UEVLD: variants seen among roughly 807,000 people sequenced by gnomAD.
UEVLD encodes UEV and lactate/malate dehyrogenase domains.
Under a neutral mutation model 58.6 loss-of-function variants are expected in UEVLD, and 47 were observed. The ratio of observed to expected loss-of-function variants is 0.80; its 90% CI spans 0.63 to 1.02. The LOEUF (loss-of-function observed/expected upper bound fraction) is 1.02, where lower values mean the gene tolerates loss of function less well. Among genes scored for constraint, UEVLD ranks in the 50% least tolerant of loss-of-function variants. UEVLD has a pLI of 0.00. For synonymous variants in UEVLD, 197 were observed against 195.3 expected, an observed-to-expected ratio of 1.01 and a Z score of -0.07; for missense variants, 510 against 550.6, an observed-to-expected ratio of 0.93 and a Z score of 0.74.
intron 7 of UEVLD, among the ~76,000 whole-genome samples, chr11:18,549,935 C>A (rs922955012): frequency 6.6e-6 from 1 of 151,914 alleles, no homozygotes; most frequent in Non-Finnish European, 1.5e-5. Context: ...GATTCTCCTG[C>A]GTCTGCCTCC....
At chr11:18,551,404 C>CTAGTACACTTTATTTAT (rs1565118520) in intron 7 of UEVLD, among the ~76,000 whole-genome samples, 2 of 118,120 alleles carry the variant, frequency 1.7e-5, no homozygotes, top group East Asian at 3.2e-4. Flanking sequence ...ACCTGGGCAA[C>CTAGTACACTTTATTTAT]CGAGTAAGAC....
chr11:18,551,181 C>G (rs1211418196), intron 7 of UEVLD, among the ~76,000 whole-genome samples: 1 of 152,134 alleles, frequency 6.6e-6, no homozygotes, highest in Non-Finnish European at 1.5e-5. Context: ...GTAATCCCAG[C>G]ACTTTGGGAG....
intron 9 of UEVLD, 183 bp from the exon 10 acceptor site, chr11:18,536,652 G>GGA (rs1850810640): frequency 1.9e-6 from 1 of 534,714 alleles, no homozygotes; most frequent in Non-Finnish European, 3.3e-6. Context: ...CCCGAGGTGA[G>GGA]GAAAACTCTG....
chr11:18,532,534 G>C (rs564814614), intron 11 of UEVLD, 47 bp from the exon 12 acceptor site: 1 of 1,430,774 alleles, frequency 7.0e-7, no homozygotes. Context: ...TCATTGCAAA[G>C]AAGTTAATAC....
intron 7 of UEVLD, among the ~76,000 whole-genome samples, chr11:18,553,404 TAG>T (rs750535195): frequency 4.0e-5 from 6 of 151,526 alleles, no homozygotes; most frequent in South Asian, 2.1e-4. Context: ...TTCAAAGAAA[TAG>T]AGTTACTTAG....
chr11:18,585,905 G>A (rs1825778636), intron 1 of UEVLD, among the ~76,000 whole-genome samples: 2 of 152,128 alleles, frequency 1.3e-5, no homozygotes, highest in Non-Finnish European at 2.9e-5. Flanking sequence ...GAAGTGCTGG[G>A]ATTAGAGGCG....
intron 2 of UEVLD, among the ~76,000 whole-genome samples, chr11:18,577,131 T>C (rs1852958133): frequency 6.6e-6 from 1 of 152,132 alleles, no homozygotes; most frequent in Admixed American, 6.5e-5. Flanking sequence ...TGCAGTGAGC[T>C]GAGATCGTGC....
In UEVLD at chr11:18,544,706, A is replaced by T; in HGVS notation, c.977T>A (p.Leu326Ter). Residue 326 changes from leucine to a stop codon, truncating the protein, a stop_gained, in exon 9 of 12, where the codon TTA (leucine) becomes TAA (stop). Coordinates refer to ENST00000396197, the MANE Select transcript of UEVLD (RefSeq NM_001040697.4). LOFTEE classifies it high-confidence loss of function. ...CAAAACATTTGTAATAATATACTGT[A>T]ATCTCTGTGAATCCAGATTACATCC... ...GIGCNLDSQR[L>*]QYIITNVLKA... 1 of 1,584,834 alleles carries T rather than the reference A, an allele frequency of 6.3e-7. No individual in the cohort carries two copies. The highest frequency in any genetic ancestry group is 8.5e-7 in the Non-Finnish European group (1 of 1,170,708).
chr11:18,557,462 T>C lies in UEVLD; in HGVS notation c.715+766A>G, dbSNP rs566989551. Among the ~76,000 whole-genome samples, 13 of 152,248 alleles carry C rather than the reference T, an allele frequency of 8.5e-5. No homozygotes were observed. In the South Asian group the frequency reaches 2.7e-3, roughly 32 times the overall value. The stretch of plus-strand genomic sequence containing the variant: ...CCACCGCGCCTGGCCCACTCAAATG[T>C]TATTGACACAGAAAATCTTTTTATT... On this transcript the variant is annotated intron_variant, in intron 7 of 11. Coordinates refer to ENST00000396197, the MANE Select transcript of UEVLD (RefSeq NM_001040697.4).
intron 2 of UEVLD, among the ~76,000 whole-genome samples, chr11:18,576,872 C>A (rs759314576): frequency 1.3e-5 from 2 of 152,134 alleles, no homozygotes; most frequent in African/African-American, 4.8e-5. Flanking sequence ...ATGCTCGGGG[C>A]GACTGATTTG....
chr11:18,578,985 A>C lies in UEVLD; in HGVS notation c.43-177T>G, dbSNP rs142510296. On this transcript the variant is annotated intron_variant, in intron 1 of 11. Transcript: ENST00000396197. ...TGGGTTTAAGTGATTCTCTTGCCTC[A>C]GCCTCCTGAGTTGCTGGGATTACAG... 4.1e-3 allele frequency among the ~76,000 whole-genome samples: 627 copies of C among 152,108 alleles called. 8 individuals carry two copies. Among genetic ancestry groups the C allele is most frequent in the African/African-American group, 0.014 (590 of 41,498 alleles).
rs541628305 is a variant in UEVLD, at chr11:18,563,611, G to A, written c.612+1281C>T. 83 of 889,552 alleles carry A rather than the reference G, an allele frequency of 9.3e-5. No individual in the cohort carries two copies. The African/African-American group carries it at 1.5e-3, about 16-fold the overall frequency. The allele number at this position is 889,552 out of a possible 1,614,324, so 55.1% of individuals were successfully genotyped here. Reference sequence around the variant, plus strand: ...GTCTAAATAAAATAAAATAATGTATGACCAAATAAAAATTCAGATGAGAAA... The same window carrying A: ...GTCTAAATAAAATAAAATAATGTATAACCAAATAAAAATTCAGATGAGAAA... On this transcript the variant is annotated intron_variant, in intron 6 of 11. Transcript: ENST00000396197.
chr11:18,535,390 A>G (rs1471954863), intron 10 of UEVLD, among the ~76,000 whole-genome samples: 1 of 152,252 alleles, frequency 6.6e-6, no homozygotes, highest in Non-Finnish European at 1.5e-5. Context: ...ACATTCTTTT[A>G]TAAATGATAA....
intron 7 of UEVLD, among the ~76,000 whole-genome samples, chr11:18,554,392 A>ATTTTT (rs34857682): frequency 1.9e-5 from 2 of 107,550 alleles, no homozygotes; most frequent in African/African-American, 3.8e-5. Flanking sequence ...GTGCCTGGCC[A>ATTTTT]TTTTTTTTTT....
rs556204541 is a variant in UEVLD, at chr11:18,531,266, G to A, written c.*1054C>T. ...GATGATGGCAATAGTCCCTACCTCAGTGGTCTGTTGTGAGGATTCAGTAAA... is the reference window on the plus strand; with the variant it reads ...GATGATGGCAATAGTCCCTACCTCAATGGTCTGTTGTGAGGATTCAGTAAA... On this transcript the variant is annotated 3_prime_UTR_variant, in exon 12 of 12. Coordinates refer to ENST00000396197, the MANE Select transcript of UEVLD (RefSeq NM_001040697.4). The A allele has an allele frequency of 6.6e-6, 1 of 152,306 alleles. No homozygotes were observed. The highest frequency in any genetic ancestry group is 1.5e-5 in the Non-Finnish European group (1 of 68,034). 9.4% of individuals were successfully genotyped at this position (152,306 alleles called of 1,614,324 possible). A position where few individuals can be genotyped will look rare whatever the true frequency, so the allele number is the denominator to read the frequency against.
intron 5 of UEVLD, among the ~76,000 whole-genome samples, chr11:18,565,896 T>C (rs7940645): frequency 0.47 from 68,007 of 144,782 alleles, 16,733 homozygotes; most frequent in Non-Finnish European, 0.54. Flanking sequence ...ATTACTTTTT[T>C]TTTCTTTTTT....
chr11:18,554,732 G>A (rs978094391), intron 7 of UEVLD, among the ~76,000 whole-genome samples: 6 of 151,940 alleles, frequency 3.9e-5, no homozygotes, highest in South Asian at 4.2e-4. Flanking sequence ...CCAGATTGTC[G>A]GTATATACAC....
intron 7 of UEVLD, among the ~76,000 whole-genome samples, chr11:18,555,649 T>C (rs1851725552): frequency 6.6e-6 from 1 of 151,870 alleles, no homozygotes; most frequent in African/African-American, 2.4e-5. Context: ...ATAAATGCTA[T>C]CAGAAATATA....
chr11:18,564,638 A>G (rs1158199832), intron 6 of UEVLD, among the ~76,000 whole-genome samples: 1 of 152,238 alleles, frequency 6.6e-6, no homozygotes, highest in African/African-American at 2.4e-5. Flanking sequence ...TGATTAAGTC[A>G]TATGAATGTC....
Sources: gnomAD v4.1 joint callset for allele counts (sites outside exome capture counted in the v4.1 genomes callset) on GRCh38, gnomAD v4.1.1 for gene constraint, MANE v1.5 for transcripts, NCBI Gene and HGNC (gene_info 2026-07-23, HGNC 2026-07-21) for gene names.